Variants in CR1 observed in about 807,000 individuals in gnomAD.
CR1 encodes complement C3b/C4b receptor 1 (Knops blood group), also known as complement receptor type 1.
Under a neutral mutation model 187.3 loss-of-function variants are expected in CR1, and 116 were observed. The observed-to-expected ratio is 0.62, with a 90% CI of 0.53 to 0.72. CR1 has a LOEUF of 0.72. Ranked by LOEUF, CR1 falls within the 30% of genes least tolerant of loss-of-function variation. CR1 has a pLI of 0.00. For synonymous variants in CR1, 576 were observed against 747.1 expected (o/e 0.77, Z 3.73); for missense variants, 1,731 against 2,110.7 (o/e 0.82, Z 3.52).
intron 35 of CR1, among the ~76,000 whole-genome samples, chr1:207,590,875 T>C (rs1266399701): frequency 6.6e-6 from 1 of 151,802 alleles, no homozygotes; most frequent in African/African-American, 2.4e-5. Context: ...CATTACATAA[T>C]GGCAAAGGAT....
intron 39 of CR1, among the ~76,000 whole-genome samples, chr1:207,613,996 C>A (rs900591037): frequency 1.3e-5 from 2 of 152,156 alleles, no homozygotes; most frequent in African/African-American, 2.4e-5. Flanking sequence ...TGTTCTGCCT[C>A]ATGACCCACT....
At chr1:207,522,706 T>C (rs1241153958) in intron 4 of CR1, among the ~76,000 whole-genome samples, 1 of 152,250 alleles carries the variant, frequency 6.6e-6, no homozygotes, top group African/African-American at 2.4e-5. Flanking sequence ...AATATTTTAT[T>C]TGAACTGTTG....
chr1:207,510,228 A>ACAG (rs2102286267), intron 3 of CR1, among the ~76,000 whole-genome samples: 1 of 152,254 alleles, frequency 6.6e-6, no homozygotes, highest in African/African-American at 2.4e-5. Context: ...AACAACAACA[A>ACAG]CAGCAACAAC....
At chr1:207,594,197 C>G (rs1212909772) in intron 35 of CR1, among the ~76,000 whole-genome samples, 2 of 152,124 alleles carry the variant, frequency 1.3e-5, no homozygotes, top group African/African-American at 4.8e-5. Context: ...AGACTTGGAA[C>G]CAACCCAAAT....
intron 43 of CR1, among the ~76,000 whole-genome samples, chr1:207,620,340 C>A (rs115513476): frequency 6.6e-6 from 1 of 152,160 alleles, no homozygotes; most frequent in Non-Finnish European, 1.5e-5. Context: ...AGCCTACGAG[C>A]CTTACAAGAA....
intron 45 of CR1, among the ~76,000 whole-genome samples, 192 bp downstream of exon 45, chr1:207,623,260 A>G (rs1477075494): frequency 8.0e-6 from 1 of 125,518 alleles, no homozygotes; most frequent in East Asian, 2.3e-4. Context: ...TACTAAGAAC[A>G]ATTAAAAAAT....
intron 34 of CR1, among the ~76,000 whole-genome samples, chr1:207,588,312 G>A (rs1482314945): frequency 6.6e-6 from 1 of 152,136 alleles, no homozygotes; most frequent in African/African-American, 2.4e-5. Flanking sequence ...TGGGATTACA[G>A]GCACCCACTC....
rs1662609422 is a variant in CR1, at chr1:207,630,558, T to C, written c.7394T>C (p.Leu2465Ser). The C allele has an allele frequency of 2.5e-6, 4 of 1,611,514 alleles. No homozygotes were observed. Among genetic ancestry groups the C allele is most frequent in the Admixed American group, 1.7e-5 (1 of 59,598 alleles). ...AACCCTAAAGAAGTGGCTATCCATT[T>C]ACATTCTCAAGGAGGCAGCAGCGTT... ...HENPKEVAIH[L>S]HSQGGSSVHP... The change falls in exon 46 of 47, where the codon TTA (leucine) becomes TCA (serine). Residue 2465 changes from leucine (L) to serine (S), a missense_variant. Around this residue, in one of 5 missense-constraint regions of CR1, gnomAD observed 1,312 missense variants for 1,379.6 expected, o/e 0.95. Transcript: ENST00000367049.
At chr1:207,608,518 C>T (rs951206182) in intron 36 of CR1, among the ~76,000 whole-genome samples, 1 of 151,992 alleles carries the variant, frequency 6.6e-6, no homozygotes, top group African/African-American at 2.4e-5. Flanking sequence ...TAATATTCTT[C>T]CCCCCCAAAT....
At chr1:207,636,917 T>C (rs1416599287) in intron 46 of CR1, among the ~76,000 whole-genome samples, 1 of 152,244 alleles carries the variant, frequency 6.6e-6, no homozygotes, top group Non-Finnish European at 1.5e-5. Flanking sequence ...TCACAGCTTA[T>C]AGTTTGAGAG....
At chr1:207,512,188 AT>A (rs1433911152) in intron 4 of CR1, among the ~76,000 whole-genome samples, 1 of 152,254 alleles carries the variant, frequency 6.6e-6, no homozygotes. Flanking sequence ...TTGCAGCATT[AT>A]TTATATTAGT....
Position 207,611,691 on chromosome 1 carries a change from C to T in CR1, c.6310C>T (p.Pro2104Ser), listed in dbSNP as rs746766655. ...CCTTTCCACAGTGTGTCAGCCGCCT[C>T]CAGAAATCCTGCATGGTGAGCATAC... The part of the protein sequence containing the change: ...PHCSRVCQPP[P>S]EILHGEHTLS... The change falls in exon 38 of 47, where the codon CCA becomes TCA. Residue 2104 changes from proline to serine, a missense_variant. By Grantham distance (74) the Pro-to-Ser change is moderately conservative (BLOSUM62 -1). Around this residue, in one of 5 missense-constraint regions of CR1, gnomAD observed 1,312 missense variants for 1,379.6 expected, o/e 0.95. Transcript: ENST00000367049. 7 of 1,613,748 alleles carry T rather than the reference C, an allele frequency of 4.3e-6. No homozygotes were observed. The South Asian group carries it at 6.6e-5, about 15-fold the overall frequency.
In CR1 at chr1:207,581,978, G is replaced by A; in HGVS notation, c.5277G>A (p.Trp1759Ter). ...TCTTGGTTGGAATGAGAAGCCTTTG[G>A]AATAACAGTGTTCCTGTGTGTGAAC... ...HCVLVGMRSL[W>*]NNSVPVCEHI... Residue 1759 changes from tryptophan (W) to a stop codon, truncating the protein, a stop_gained, in exon 32 of 47, where the codon TGG becomes TGA. Coordinates refer to ENST00000367049, the MANE Select transcript of CR1 (RefSeq NM_000651.6). LOFTEE classifies it high-confidence loss of function. The A allele has an allele frequency of 6.2e-7, 1 of 1,612,910 alleles. No homozygotes were observed. Among genetic ancestry groups the A allele is most frequent in the East Asian group, 2.2e-5 (1 of 44,838 alleles).
intron 45 of CR1, among the ~76,000 whole-genome samples, chr1:207,629,678 C>G (rs1662585030): frequency 6.6e-6 from 1 of 152,136 alleles, no homozygotes. Context: ...TTCTAAAATC[C>G]CTAATACCAA....
chr1:207,500,078 A>G (rs1197167141), intron 1 of CR1, among the ~76,000 whole-genome samples: 1 of 152,234 alleles, frequency 6.6e-6, no homozygotes, highest in Non-Finnish European at 1.5e-5. Flanking sequence ...CGATGAAACC[A>G]AAAAACCTAG....
chr1:207,628,918 T>C (rs543971223), intron 45 of CR1, among the ~76,000 whole-genome samples: 58 of 152,330 alleles, frequency 3.8e-4, no homozygotes, highest in African/African-American at 1.1e-3. Flanking sequence ...AGGGCATCTT[T>C]CCATATTGAG....
intron 4 of CR1, among the ~76,000 whole-genome samples, chr1:207,520,968 G>GTT (rs141546660): frequency 0.021 from 943 of 44,456 alleles, 5 homozygotes; most frequent in East Asian, 0.03. Flanking sequence ...TTTTTTGGTT[G>GTT]TTTTTTTTTT....
chr1:207,575,500 C>T (rs753663472), intron 27 of CR1, 95 bp from the exon 28 acceptor site: 2 of 1,507,816 alleles, frequency 1.3e-6, no homozygotes, highest in African/African-American at 2.8e-5. Flanking sequence ...TAGACTTCTC[C>T]TGCATTGTAA....
chr1:207,594,084 C>A (rs959174757), intron 35 of CR1, among the ~76,000 whole-genome samples: 5 of 152,052 alleles, frequency 3.3e-5, no homozygotes, highest in Non-Finnish European at 7.4e-5. Context: ...ACCATTTGAC[C>A]CAGCAATCCC....
Sources: allele counts gnomAD v4.1 joint callset (sites outside exome capture counted in the v4.1 genomes callset), GRCh38; gene constraint gnomAD v4.1.1; regional missense constraint gnomAD v4.1.1; transcripts MANE v1.5; gene names NCBI Gene and HGNC (gene_info 2026-07-23, HGNC 2026-07-21).